Variants in LRP1B observed in about 807,000 individuals in gnomAD.
The protein encoded by LRP1B is low-density lipoprotein receptor-related protein 1B.
Under a neutral mutation model 556.6 loss-of-function variants are expected in LRP1B, and 217 were observed. The ratio of observed to expected loss-of-function variants is 0.39; its 90% CI spans 0.35 to 0.44. LRP1B has a LOEUF of 0.44. Among genes scored for constraint, LRP1B ranks in the 20% least tolerant of loss-of-function variants. The pLI, the probability that LRP1B is intolerant of heterozygous loss-of-function variation, is 1.00. For missense variants in LRP1B, 5,053 were observed against 5,620.8 expected (o/e 0.90, Z 3.23); for synonymous variants, 2,047 against 1,865.8 (o/e 1.10, Z -2.50).
intron 3 of LRP1B, among the ~76,000 whole-genome samples, chr2:141,383,655 A>C (rs1689720903): frequency 1.3e-5 from 2 of 152,220 alleles, no homozygotes. Context: ...GTATATATGC[A>C]GTAAAGTAGT....
intron 2 of LRP1B, among the ~76,000 whole-genome samples, chr2:141,626,277 G>C (rs1688698659): frequency 6.6e-6 from 1 of 152,090 alleles, no homozygotes; most frequent in Non-Finnish European, 1.5e-5. Context: ...TATAAATCTA[G>C]ACCCAGACCT....
At chr2:141,778,346 G>C (rs959413569) in intron 2 of LRP1B, among the ~76,000 whole-genome samples, 7 of 152,154 alleles carry the variant, frequency 4.6e-5, no homozygotes, top group African/African-American at 1.7e-4. Flanking sequence ...GATTTTCAGA[G>C]ATTTTGAAGG....
chr2:141,444,465 A>G (rs1361648168), intron 3 of LRP1B, among the ~76,000 whole-genome samples: 1 of 152,122 alleles, frequency 6.6e-6, no homozygotes, highest in African/African-American at 2.4e-5. Context: ...AATACTATGT[A>G]GAATAGGAGT....
chr2:141,158,026 T>TTA (rs1401808791), intron 7 of LRP1B, among the ~76,000 whole-genome samples: 4 of 152,170 alleles, frequency 2.6e-5, no homozygotes, highest in Non-Finnish European at 4.4e-5. Context: ...AAAAGGTTTT[T>TTA]TAATGTGTTT....
chr2:141,504,826 T>C (rs1683863641), intron 2 of LRP1B, among the ~76,000 whole-genome samples: 1 of 152,132 alleles, frequency 6.6e-6, no homozygotes, highest in Non-Finnish European at 1.5e-5. Context: ...CAAATGAGTG[T>C]AAATTAAAAT....
intron 47 of LRP1B, among the ~76,000 whole-genome samples, chr2:140,529,851 C>T (rs556162553): frequency 1.9e-4 from 29 of 152,010 alleles, no homozygotes; most frequent in South Asian, 1.9e-3. Flanking sequence ...TACAAAATGA[C>T]GAACTTATGA....
intron 3 of LRP1B, among the ~76,000 whole-genome samples, chr2:141,328,663 A>G (rs910421161): frequency 1.3e-5 from 2 of 152,194 alleles, no homozygotes; most frequent in Non-Finnish European, 2.9e-5. Context: ...TATCTCACTC[A>G]GTTACTGTTC....
intron 2 of LRP1B, among the ~76,000 whole-genome samples, chr2:141,517,784 G>T (rs2105166693): frequency 6.6e-6 from 1 of 152,184 alleles, no homozygotes; most frequent in East Asian, 1.9e-4. Flanking sequence ...ATCTAGAAAA[G>T]CTTACTTCCT....
At chr2:141,795,443 C>G (rs544350674) in intron 2 of LRP1B, among the ~76,000 whole-genome samples, 107 of 152,000 alleles carry the variant, frequency 7.0e-4, no homozygotes, top group African/African-American at 2.3e-3. Context: ...GAAGCAAAGG[C>G]CAAAGTTAGT....
At chr2:140,430,984 C>G (rs1685910773) in intron 66 of LRP1B, among the ~76,000 whole-genome samples, 1 of 152,168 alleles carries the variant, frequency 6.6e-6, no homozygotes, top group South Asian at 2.1e-4. Context: ...GACACTTTCA[C>G]TGGATGGGTA....
At chr2:141,724,054 T>C (rs1425986954) in intron 2 of LRP1B, among the ~76,000 whole-genome samples, 1 of 151,950 alleles carries the variant, frequency 6.6e-6, no homozygotes, top group African/African-American at 2.4e-5. Flanking sequence ...ATAAGACCTG[T>C]ACCAGATAAG....
At position 141,918,155 on chromosome 2, in the gene LRP1B, C is replaced by A. The variant is rs764497932; in HGVS notation, c.83-107754G>T. Among the ~76,000 whole-genome samples, 79 of 151,478 alleles carry A rather than the reference C, an allele frequency of 5.2e-4. 1 individual carries two copies. Among genetic ancestry groups the A allele is most frequent in the Admixed American group, 7.9e-4 (12 of 15,196 alleles). On this transcript the variant is annotated intron_variant, in intron 1 of 90. Transcript: ENST00000389484. ...ATATACTTTTTTAAAAAATACAAGACCAGAGTGAAAGATATGGTAGGATAC... is the reference window on the plus strand; with the variant it reads ...ATATACTTTTTTAAAAAATACAAGAACAGAGTGAAAGATATGGTAGGATAC...
intron 2 of LRP1B, among the ~76,000 whole-genome samples, chr2:141,758,336 A>G (rs1329426966): frequency 6.6e-6 from 1 of 152,212 alleles, no homozygotes; most frequent in Non-Finnish European, 1.5e-5. Context: ...TCAGTATTGC[A>G]TATAAAAATC....
intron 1 of LRP1B, among the ~76,000 whole-genome samples, chr2:141,976,195 A>C (rs541560660): frequency 5.9e-5 from 9 of 152,256 alleles, no homozygotes; most frequent in Non-Finnish European, 1.0e-4. Flanking sequence ...AAGGTGGAAC[A>C]TATAGGAATA....
chr2:141,870,100 T>G (rs114768520), intron 1 of LRP1B, among the ~76,000 whole-genome samples: 2,228 of 152,114 alleles, frequency 0.015, 20 homozygotes, highest in Non-Finnish European at 0.022. Flanking sequence ...CAAGCAAATA[T>G]GTAGTCACAC....
intron 1 of LRP1B, among the ~76,000 whole-genome samples, chr2:142,033,853 T>G (rs1703786689): frequency 6.6e-6 from 1 of 151,814 alleles, no homozygotes; most frequent in African/African-American, 2.4e-5. Context: ...GAAAACAATG[T>G]TCTCTGTTGT....
chr2:140,732,976 A>C (rs1300496250), intron 35 of LRP1B, among the ~76,000 whole-genome samples: 1 of 152,084 alleles, frequency 6.6e-6, no homozygotes, highest in Non-Finnish European at 1.5e-5. Context: ...CAAAGTAGAG[A>C]TATAACAATT....
At chr2:140,991,152 G>A (rs1488196370) in intron 16 of LRP1B, among the ~76,000 whole-genome samples, 1 of 152,096 alleles carries the variant, frequency 6.6e-6, no homozygotes, top group African/African-American at 2.4e-5. Context: ...AATGCCGAGA[G>A]AAATATAAGT....
At chr2:140,517,202 A>G (rs1689943659) in intron 49 of LRP1B, among the ~76,000 whole-genome samples, 191 bp from the exon 50 acceptor site, 1 of 152,182 alleles carries the variant, frequency 6.6e-6, no homozygotes, top group Non-Finnish European at 1.5e-5. Context: ...CAGAACAGAG[A>G]CCCATGAGAC....
Sources: gnomAD v4.1 joint callset for allele counts (sites outside exome capture counted in the v4.1 genomes callset) on GRCh38, gnomAD v4.1.1 for gene constraint, MANE v1.5 for transcripts, NCBI Gene and HGNC (gene_info 2026-07-23, HGNC 2026-07-21) for gene names.